FAM120AOS: variants seen among roughly 807,000 people sequenced by gnomAD.
FAM120AOS encodes the protein family with sequence similarity 120 member A opposite strand.
FAM120AOS carries 15 observed loss-of-function variants against 20.2 expected under a neutral mutation model. The observed-to-expected ratio is 0.74, with a 90% CI of 0.50 to 1.15. FAM120AOS has a LOEUF of 1.15. Among genes scored for constraint, FAM120AOS ranks in the 50% most tolerant of loss-of-function variants. The pLI is 0.00. For missense variants in FAM120AOS, 327 were observed against 351.9 expected (o/e 0.93, Z 0.57); for synonymous variants, 154 against 154.0 (o/e 1.00, Z 0.00).
chr9:93,450,047 T>C (rs2244422), intron 2 of FAM120AOS, among the ~76,000 whole-genome samples: 136,727 of 152,136 alleles, frequency 0.9, 61,518 homozygotes, highest in East Asian at 1. Context: ...AGTGCAGTGG[T>C]GCCATCTCCG....
In FAM120AOS at chr9:93,452,856, G is replaced by A. The variant is rs369571714; in HGVS notation, c.-147C>T. 11 of 1,486,622 alleles carry A rather than the reference G, an allele frequency of 7.4e-6. No homozygotes were observed. The East Asian group carries it at 2.2e-4, about 29-fold the overall frequency. The allele number at this position is 1,486,622 out of a possible 1,614,324, so 92.1% of individuals were successfully genotyped here. ...TAGAGGGGGTTTCGCCAGAGCCCTT[G>A]GGGGCTGCAAATATCAGTGCTGCTG... On this transcript the variant is annotated 5_prime_UTR_variant, in exon 1 of 3. Transcript: ENST00000375412. This position sits in a 1 kb window ranked among gnomAD's most constrained non-coding sequence, Gnocchi z 7.0.
At position 93,446,608 on chromosome 9, in the gene FAM120AOS, T is replaced by C. The variant is rs1455203603; in HGVS notation, c.*1003A>G. On this transcript the variant is annotated 3_prime_UTR_variant, in exon 3 of 3. Transcript: ENST00000375412. ...AGCCCTTAAGAGAGAATATATATAC[T>C]CAACTGAGTACTGTCTTTCAAAGCA... The C allele has an allele frequency of 6.6e-6, 1 of 152,190 alleles. No individual in the cohort carries two copies. Among genetic ancestry groups the C allele is most frequent in the Non-Finnish European group, 1.5e-5 (1 of 68,030 alleles). The allele number at this position is 152,190 out of a possible 1,614,324, so 9.4% of individuals were successfully genotyped here.
At chr9:93,451,415 G>C (rs1857180942) in intron 1 of FAM120AOS, 13 of 1,334,176 alleles carry the variant, frequency 9.7e-6, no homozygotes, top group Non-Finnish European at 1.3e-5. Flanking sequence ...GCGCAGGGGA[G>C]GGGAGCGGCG....
rs752750727 is a variant in FAM120AOS at position 93,452,600 on chromosome 9, C to T, written c.110G>A (p.Arg37Lys). ...TGCCCAAGCCCGTCTCCAGCTGTCCCTGTTCGGGGTCCGCGGCCGCGTGGG... is the reference window on the plus strand; with the variant it reads ...TGCCCAAGCCCGTCTCCAGCTGTCCTTGTTCGGGGTCCGCGGCCGCGTGGG... Reference protein sequence around the residue: ...SVPTRPRTPNRDSWRRAWAAR... With the variant: ...SVPTRPRTPNKDSWRRAWAAR... The change falls in exon 1 of 3, where the codon AGG becomes AAG. Residue 37 changes from arginine to lysine, a missense_variant. Transcript: ENST00000375412. The surrounding 1 kb of genome is among the most constrained non-coding windows in gnomAD (Gnocchi z 7.0). 2 of 1,598,794 alleles carry T rather than the reference C, an allele frequency of 1.3e-6. No individual in the cohort carries two copies. Among genetic ancestry groups the T allele is most frequent in the African/African-American group, 1.3e-5 (1 of 74,908 alleles).
Position 93,445,744 on chromosome 9 carries a change from C to T in FAM120AOS, c.*1867G>A, listed in dbSNP as rs1856828621. Among the ~76,000 whole-genome samples, 1 of 151,988 alleles carries T rather than the reference C, an allele frequency of 6.6e-6. No homozygotes were observed. Among genetic ancestry groups the T allele is most frequent in the African/African-American group, 2.4e-5 (1 of 41,338 alleles). Reference sequence around the variant, plus strand: ...AAGATGGGACTACAGGTGCACACCTCACCTGGCTAATTTTTGGATTTTTTG... The same window carrying T: ...AAGATGGGACTACAGGTGCACACCTTACCTGGCTAATTTTTGGATTTTTTG... On this transcript the variant is annotated 3_prime_UTR_variant, in exon 3 of 3. Coordinates refer to ENST00000375412, the MANE Select transcript of FAM120AOS (RefSeq NM_198841.4).
rs41274380 is a variant in FAM120AOS at position 93,446,977 on chromosome 9, A to G, written c.*634T>C. On this transcript the variant is annotated 3_prime_UTR_variant, in exon 3 of 3. Coordinates refer to ENST00000375412, the MANE Select transcript of FAM120AOS (RefSeq NM_198841.4). ...CTCCTTTGGTGTTCTGCTGGTGCTT[A>G]TGAAGCAGTATCCCTACTGACAATG... The G allele has an allele frequency of 0.024, 3,623 of 152,462 alleles. 72 individuals are homozygous for G. Among genetic ancestry groups the G allele is most frequent in the Middle Eastern group, 0.031 (9 of 294 alleles). 9.4% of individuals were successfully genotyped at this position (152,462 alleles called of 1,614,324 possible).
chr9:93,451,521 GGCCTCC>G (rs891461966), intron 1 of FAM120AOS: 1 of 997,620 alleles, frequency 1.0e-6, no homozygotes, highest in Non-Finnish European at 1.2e-6. Flanking sequence ...CCCAACTCCG[GGCCTCC>G]GCCTCCGCCG....
At chr9:93,448,817 G>C (rs1265961714) in intron 2 of FAM120AOS, among the ~76,000 whole-genome samples, 1 of 151,926 alleles carries the variant, frequency 6.6e-6, no homozygotes, top group East Asian at 1.9e-4. Context: ...TAGAGACGGA[G>C]TTTCACCGTG....
chr9:93,451,033 T>C, intron 1 of FAM120AOS: 1 of 1,550,122 alleles, frequency 6.5e-7, no homozygotes. Flanking sequence ...GGCCATGTCA[T>C]TTGTCATAGG....
rs116311818 is a variant in FAM120AOS, at chr9:93,444,364, G to C, written c.*3247C>G. On this transcript the variant is annotated 3_prime_UTR_variant, in exon 3 of 3. Coordinates refer to ENST00000375412, the MANE Select transcript of FAM120AOS (RefSeq NM_198841.4). Reference sequence around the variant, plus strand: ...CTGACTAGGGTCATCTTTAGGTCAGGACTGAGAGAGAAAAAGTTTAAAAAA... The same window carrying C: ...CTGACTAGGGTCATCTTTAGGTCAGCACTGAGAGAGAAAAAGTTTAAAAAA... 6.6e-6 allele frequency among the ~76,000 whole-genome samples: 1 copy of C among 152,002 alleles called. No individual in the cohort carries two copies. The highest frequency in any genetic ancestry group is 6.6e-5 in the Admixed American group (1 of 15,254).
chr9:93,451,627 G>A, intron 1 of FAM120AOS: 1 of 982,050 alleles, frequency 1.0e-6, no homozygotes, highest in South Asian at 4.5e-5. Context: ...CGCCGGGCGG[G>A]TCCGCTACGT....
rs2131122743 is a variant in FAM120AOS at position 93,446,456 on chromosome 9, C to T, written c.*1155G>A. ...ATGTACATCTTAAAATGGCTTTATA[C>T]TTACGGGAATTCCTAATTAAAAAAA... On this transcript the variant is annotated 3_prime_UTR_variant, in exon 3 of 3. Transcript: ENST00000375412. The T allele has an allele frequency of 6.6e-6, 1 of 152,158 alleles. No homozygotes were observed. Among genetic ancestry groups the T allele is most frequent in the South Asian group, 2.1e-4 (1 of 4,812 alleles). The allele number at this position is 152,158 out of a possible 1,614,324, so 9.4% of individuals were successfully genotyped here. A position where few individuals can be genotyped will look rare whatever the true frequency, so the allele number is the denominator to read the frequency against.
rs1258320480 is a variant in FAM120AOS at position 93,445,328 on chromosome 9, A to C, written c.*2283T>G. On this transcript the variant is annotated 3_prime_UTR_variant, in exon 3 of 3. Transcript: ENST00000375412. ...TGTGTATAGTTTTGGTGAGATCGTC[A>C]ATCCAGGAACCTGTTTCCCCATATT... Among the ~76,000 whole-genome samples, 1 of 152,172 alleles carries C rather than the reference A, an allele frequency of 6.6e-6. No homozygotes were observed. Among genetic ancestry groups the C allele is most frequent in the Non-Finnish European group, 1.5e-5 (1 of 68,038 alleles).
Position 93,452,745 on chromosome 9 carries a change from A to G in FAM120AOS, c.-36T>C, listed in dbSNP as rs532571892. Reference sequence around the variant, plus strand: ...GCGGGCAGGCTATCACTCACCTTCAACTTTGACAAAATACTCCCTTTTCTA... The same window carrying G: ...GCGGGCAGGCTATCACTCACCTTCAGCTTTGACAAAATACTCCCTTTTCTA... On this transcript the variant is annotated 5_prime_UTR_variant, in exon 1 of 3. Coordinates refer to ENST00000375412, the MANE Select transcript of FAM120AOS (RefSeq NM_198841.4). This position sits in a 1 kb window ranked among gnomAD's most constrained non-coding sequence, Gnocchi z 7.0. The G allele has an allele frequency of 7.5e-6, 12 of 1,596,938 alleles. No individual in the cohort carries two copies. The East Asian group carries it at 2.2e-4, about 30-fold the overall frequency.
chr9:93,450,416 C>G (rs932389735), intron 2 of FAM120AOS, 63 bp downstream of exon 2: 6 of 1,512,776 alleles, frequency 4.0e-6, no homozygotes, highest in Non-Finnish European at 5.3e-6. Context: ...AATTTATGTA[C>G]GTATGATACT....
In FAM120AOS at chr9:93,453,368, C is replaced by T; in HGVS notation, c.-659G>A. The T allele has an allele frequency of 1.0e-6, 1 of 985,534 alleles. No homozygotes were observed. Among genetic ancestry groups the T allele is most frequent in the African/African-American group, 1.7e-5 (1 of 57,360 alleles). The allele number at this position is 985,534 out of a possible 1,614,324, so 61.0% of individuals were successfully genotyped here. A position where few individuals can be genotyped will look rare whatever the true frequency, so the allele number is the denominator to read the frequency against. On this transcript the variant is annotated 5_prime_UTR_variant, in exon 1 of 3. An upstream start codon of the reference 5' UTR is lost. Coordinates refer to ENST00000375412, the MANE Select transcript of FAM120AOS (RefSeq NM_198841.4). ...CAGTGACTGTGAAGATAAGCACATC[C>T]ATGATCCTGGACTTCACGTTCTGAT...
chr9:93,450,977 G>A, intron 1 of FAM120AOS: 4 of 1,488,284 alleles, frequency 2.7e-6, no homozygotes, highest in Middle Eastern at 1.7e-4. Context: ...TCCGTGACGA[G>A]CAGGCGCTTA....
intron 2 of FAM120AOS, among the ~76,000 whole-genome samples, chr9:93,449,078 A>G (rs1189368004): frequency 1.4e-5 from 2 of 142,234 alleles, no homozygotes; most frequent in Non-Finnish European, 3.0e-5. Context: ...TTTTTTTTTT[A>G]AAGAACACAA....
rs1433269662 is a variant in FAM120AOS, at chr9:93,446,077, C to G, written c.*1534G>C. ...GGGAAGGGGACTTTATAGGGCAGAG[C>G]TTTCCCAGACTCTTGTTCCACCCTA... is the stretch of plus-strand genomic sequence containing the variant. On this transcript the variant is annotated 3_prime_UTR_variant, in exon 3 of 3. Coordinates refer to ENST00000375412, the MANE Select transcript of FAM120AOS (RefSeq NM_198841.4). Among the ~76,000 whole-genome samples, 1 of 152,290 alleles carries G rather than the reference C, an allele frequency of 6.6e-6. No individual in the cohort carries two copies. Among genetic ancestry groups the G allele is most frequent in the South Asian group, 2.1e-4 (1 of 4,822 alleles).
Sources: gnomAD v4.1 joint callset for allele counts (sites outside exome capture counted in the v4.1 genomes callset) on GRCh38, gnomAD v4.1.1 for gene constraint, Gnocchi (gnomAD v3.1) non-coding constraint, MANE v1.5 for transcripts, NCBI Gene and HGNC (gene_info 2026-07-23, HGNC 2026-07-21) for gene names.